Variants in CD9 observed in about 807,000 individuals in gnomAD.
The protein encoded by CD9 is CD9 molecule.
A neutral mutation model predicts 31.4 loss-of-function variants in CD9; 10 were observed. The ratio of observed to expected loss-of-function variants is 0.32; its 90% CI spans 0.20 to 0.54. The LOEUF (loss-of-function observed/expected upper bound fraction) is 0.54. Among genes scored for constraint, CD9 ranks in the 20% least tolerant of loss-of-function variants. The pLI, the probability that CD9 is intolerant of heterozygous loss-of-function variation, is 0.94. For synonymous variants in CD9, 113 were observed against 114.1 expected (o/e 0.99, Z 0.06); for missense variants, 259 against 300.1 (o/e 0.86, Z 1.01).
chr12:6,230,113 TC>T (rs1446474834), intron 2 of CD9, among the ~76,000 whole-genome samples: 1 of 152,192 alleles, frequency 6.6e-6, no homozygotes, highest in Admixed American at 6.5e-5. Context: ...TTCCGTGACT[TC>T]CATGGGGCCT....
intron 1 of CD9, among the ~76,000 whole-genome samples, chr12:6,210,794 T>C (rs1946186012): frequency 6.6e-6 from 1 of 151,892 alleles, no homozygotes; most frequent in Non-Finnish European, 1.5e-5. Context: ...GTTCAAGTTC[T>C]AACTCTGCCA....
chr12:6,206,789 A>G (rs1946137260), intron 1 of CD9, among the ~76,000 whole-genome samples: 1 of 152,130 alleles, frequency 6.6e-6, no homozygotes, highest in South Asian at 2.1e-4. Flanking sequence ...CTGTCATCCT[A>G]GACTAATACA....
chr12:6,237,052 C>T (rs1392749636), intron 7 of CD9, among the ~76,000 whole-genome samples: 2 of 152,096 alleles, frequency 1.3e-5, no homozygotes, highest in Non-Finnish European at 2.9e-5. Flanking sequence ...GATCTCGACT[C>T]ACTGCAACCT....
chr12:6,208,315 C>A (rs1946155013), intron 1 of CD9, among the ~76,000 whole-genome samples: 1 of 152,160 alleles, frequency 6.6e-6, no homozygotes, highest in Admixed American at 6.5e-5. Flanking sequence ...GCAGGCTAAG[C>A]AGCTGGTGGC....
chr12:6,212,726 T>C (rs1162456009), intron 1 of CD9, among the ~76,000 whole-genome samples: 1 of 152,208 alleles, frequency 6.6e-6, no homozygotes, highest in Admixed American at 6.5e-5. Flanking sequence ...TTGAATTGTA[T>C]GGGTTGTGGG....
intron 1 of CD9, among the ~76,000 whole-genome samples, chr12:6,201,517 A>G (rs934269682): frequency 6.6e-6 from 1 of 152,242 alleles, no homozygotes; most frequent in African/African-American, 2.4e-5. Flanking sequence ...CAGCGGGGCC[A>G]GGAGCTCCAG....
At chr12:6,211,002 A>G (rs528566124) in intron 1 of CD9, among the ~76,000 whole-genome samples, 1 of 151,602 alleles carries the variant, frequency 6.6e-6, no homozygotes, top group African/African-American at 2.4e-5. Flanking sequence ...ATGCCTGGCT[A>G]TTTTTTTATA....
intron 7 of CD9, among the ~76,000 whole-genome samples, chr12:6,237,335 ATCGCACCACAGCAC>A (rs1243502386): frequency 1.3e-5 from 2 of 152,138 alleles, no homozygotes; most frequent in Admixed American, 6.5e-5. Context: ...AGGCAGGCGG[ATCGCACCACAGCAC>A]TCTAGCCTAA....
chr12:6,232,713 A>G lies in CD9; in HGVS notation c.257A>G (p.Gln86Arg). The change falls in exon 3 of 8, where the codon CAG becomes CGG. Residue 86 changes from glutamine (Q) to arginine (R), a missense_variant. Gln to Arg is a conservative substitution (Grantham distance 43). Coordinates refer to ENST00000009180, the MANE Select transcript of CD9 (RefSeq NM_001769.4). The surrounding 1 kb of genome is among the most constrained non-coding windows in gnomAD (Gnocchi z 4.8). ...LGCCGAVQESQCMLGLFFGFL... is the reference protein window; with the variant it reads ...LGCCGAVQESRCMLGLFFGFL... ...TGCTGCGGGGCTGTGCAGGAGTCCC[A>G]GTGCATGCTGGGACTGGTGAGTATC... 2 of 1,564,776 alleles carry G rather than the reference A, an allele frequency of 1.3e-6. No homozygotes were observed. The highest frequency in any genetic ancestry group is 1.7e-6 in the Non-Finnish European group (2 of 1,159,286).
At chr12:6,202,246 C>T (rs1459638868) in intron 1 of CD9, among the ~76,000 whole-genome samples, 2 of 152,190 alleles carry the variant, frequency 1.3e-5, no homozygotes, top group African/African-American at 2.4e-5. Flanking sequence ...TATAGGTGTG[C>T]TCCTTCCCAA....
At chr12:6,216,928 G>A (rs186067676) in intron 1 of CD9, among the ~76,000 whole-genome samples, 2 of 152,116 alleles carry the variant, frequency 1.3e-5, no homozygotes, top group African/African-American at 4.8e-5. Context: ...AATCCGGCTG[G>A]CTGTAACACT....
upstream of CD9, chr12:6,199,946 A>C (rs1946052504): frequency 6.6e-6 from 1 of 152,002 alleles, no homozygotes; most frequent in Non-Finnish European, 1.5e-5. Context: ...AGGGCCCCTC[A>C]CTCTGGCAGC....
At chr12:6,206,628 A>G (rs1946135798) in intron 1 of CD9, among the ~76,000 whole-genome samples, 1 of 152,168 alleles carries the variant, frequency 6.6e-6, no homozygotes, top group Admixed American at 6.5e-5. Context: ...TTTTCCATCA[A>G]GTGATGGCAT....
intron 1 of CD9, among the ~76,000 whole-genome samples, chr12:6,218,311 C>T (rs1394551613): frequency 6.6e-6 from 1 of 152,214 alleles, no homozygotes; most frequent in Non-Finnish European, 1.5e-5. Flanking sequence ...CAAGAGCACC[C>T]AGTTTGTTTG....
In CD9 at chr12:6,210,611, C is replaced by A. The variant is rs573740293; in HGVS notation, c.66+10046C>A. Among the ~76,000 whole-genome samples, 6 of 152,284 alleles carry A rather than the reference C, an allele frequency of 3.9e-5. No homozygotes were observed. In the South Asian group the frequency reaches 1.0e-3, roughly 26 times the overall value. On this transcript the variant is annotated intron_variant, in intron 1 of 7. Coordinates refer to ENST00000009180, the MANE Select transcript of CD9 (RefSeq NM_001769.4). ...CTTCCTTCCGGTGCAGATGGGCTCC[C>A]TTGTGGCCTTTAAAGATCGAAAACA...
In CD9 at chr12:6,233,481, G is replaced by T. The variant is rs762723208; in HGVS notation, c.343G>T (p.Asp115Tyr). 6.2e-7 allele frequency: 1 copy of T among 1,612,648 alleles called. No individual in the cohort carries two copies. The highest frequency in any genetic ancestry group is 1.7e-5 in the Admixed American group (1 of 60,024). Reference sequence around the variant, plus strand: ...GGCCATCTGGGGATATTCCCACAAGGATGAGGTAGGTTTTTCCCATGAGAT... The same window carrying T: ...GGCCATCTGGGGATATTCCCACAAGTATGAGGTAGGTTTTTCCCATGAGAT... ...AAAIWGYSHK[D>Y]EVIKEVQEFY... The change falls in exon 4 of 8, where the codon GAT (aspartate) becomes TAT (tyrosine). Residue 115 changes from aspartate to tyrosine, a missense_variant. Physicochemically the swap from Asp to Tyr is radical, Grantham distance 160. Transcript: ENST00000009180.
At chr12:6,224,733 C>T (rs1361155641) in intron 1 of CD9, among the ~76,000 whole-genome samples, 1 of 152,194 alleles carries the variant, frequency 6.6e-6, no homozygotes, top group Non-Finnish European at 1.5e-5. Context: ...ACTGGGGGGA[C>T]TTGGCAGGAG....
chr12:6,230,455 G>A (rs542323366), intron 2 of CD9, among the ~76,000 whole-genome samples: 2 of 152,362 alleles, frequency 1.3e-5, no homozygotes, highest in African/African-American at 4.8e-5. Flanking sequence ...TTCAAGAACT[G>A]GGATCTGGAC....
chr12:6,216,379 T>C (rs1219403797), intron 1 of CD9, among the ~76,000 whole-genome samples: 1 of 152,204 alleles, frequency 6.6e-6, no homozygotes, highest in Non-Finnish European at 1.5e-5. Context: ...CTATGACTAA[T>C]GCTCTCCCAA....
Sources: allele counts gnomAD v4.1 joint callset (sites outside exome capture counted in the v4.1 genomes callset), GRCh38; gene constraint gnomAD v4.1.1; non-coding constraint Gnocchi (gnomAD v3.1); transcripts MANE v1.5; gene names NCBI Gene and HGNC (gene_info 2026-07-23, HGNC 2026-07-21).